MARCHF11: variants seen among roughly 807,000 people sequenced by gnomAD.
MARCHF11 encodes E3 ubiquitin-protein ligase MARCHF11.
A neutral mutation model predicts 37.3 loss-of-function variants in MARCHF11; 29 were observed. The ratio of observed to expected loss-of-function variants is 0.78; its 90% CI spans 0.58 to 1.06. The LOEUF is 1.06. Among genes scored for constraint, MARCHF11 ranks in the 50% least tolerant of loss-of-function variants. The probability of loss-of-function intolerance (pLI) is 0.00; values close to 1 mark genes in which losing one functional copy is unlikely to be tolerated. For missense variants in MARCHF11, 482 were observed against 533.4 expected, an observed-to-expected ratio of 0.90 and a Z score of 0.95; for synonymous variants, 233 against 228.0, an observed-to-expected ratio of 1.02 and a Z score of -0.20.
intron 2 of MARCHF11, among the ~76,000 whole-genome samples, chr5:16,170,578 A>G (rs1171307337): frequency 1.3e-5 from 2 of 152,144 alleles, no homozygotes; most frequent in Non-Finnish European, 2.9e-5. Context: ...TCCCTAAATC[A>G]TACTCTCACT....
intron 2 of MARCHF11, 42 bp from the exon 3 acceptor site, chr5:16,091,123 A>C: frequency 7.6e-7 from 1 of 1,307,592 alleles, no homozygotes; most frequent in Non-Finnish European, 9.8e-7. Context: ...AGCTGTGTAT[A>C]ATTAAAAAAG....
At chr5:16,139,846 T>C (rs1435219066) in intron 2 of MARCHF11, among the ~76,000 whole-genome samples, 1 of 152,160 alleles carries the variant, frequency 6.6e-6, no homozygotes, top group African/African-American at 2.4e-5. Context: ...AATTGATATA[T>C]AAATGGAATT....
intron 2 of MARCHF11, among the ~76,000 whole-genome samples, chr5:16,114,336 A>C (rs1360133941): frequency 6.6e-6 from 1 of 152,196 alleles, no homozygotes. Context: ...GCTAGTTTAT[A>C]ATGTAACAAT....
chr5:16,079,962 T>C (rs535242581), intron 3 of MARCHF11, among the ~76,000 whole-genome samples: 1 of 152,236 alleles, frequency 6.6e-6, no homozygotes, highest in South Asian at 2.1e-4. Flanking sequence ...TCTCTGGATT[T>C]TCACTCTTTC....
intron 2 of MARCHF11, among the ~76,000 whole-genome samples, chr5:16,112,558 T>C (rs1737162068): frequency 6.6e-6 from 1 of 152,234 alleles, no homozygotes; most frequent in Non-Finnish European, 1.5e-5. Flanking sequence ...TAACTAGCTT[T>C]TGATTTTAAG....
chr5:16,099,496 G>C (rs1485467758), intron 2 of MARCHF11, among the ~76,000 whole-genome samples: 1 of 151,842 alleles, frequency 6.6e-6, no homozygotes, highest in Non-Finnish European at 1.5e-5. Flanking sequence ...TACAGTTGTG[G>C]CTAAAAAGAC....
At chr5:16,096,961 T>C (rs1162650319) in intron 2 of MARCHF11, among the ~76,000 whole-genome samples, 2 of 152,200 alleles carry the variant, frequency 1.3e-5, no homozygotes, top group Admixed American at 6.5e-5. Flanking sequence ...TTAAATCATT[T>C]AGTCTCGGGT....
intron 3 of MARCHF11, among the ~76,000 whole-genome samples, chr5:16,070,088 T>G (rs112360786): frequency 6.6e-6 from 1 of 152,194 alleles, no homozygotes; most frequent in African/African-American, 2.4e-5. Context: ...CAAATAATTG[T>G]TTTTATCAAC....
chr5:16,084,967 T>G, intron 3 of MARCHF11, among the ~76,000 whole-genome samples: 1 of 150,298 alleles, frequency 6.7e-6, no homozygotes, highest in East Asian at 2.0e-4. Flanking sequence ...TGGGTATACA[T>G]CAGGGATCAA....
rs576824860 is a variant in MARCHF11 at position 16,075,122 on chromosome 5, G to C, written c.887-7329C>G. On this transcript the variant is annotated intron_variant, in intron 3 of 3. Coordinates refer to ENST00000332432, the MANE Select transcript of MARCHF11 (RefSeq NM_001102562.3). ...AAAGGTTCTGACACAGGTTAAATTT[G>C]TCCTTATCTTGCCATCCCTGTTTTA... 4.6e-5 allele frequency among the ~76,000 whole-genome samples: 7 copies of C among 152,248 alleles called. No individual in the cohort carries two copies. In the East Asian group the frequency reaches 1.4e-3, roughly 29 times the overall value.
At chr5:16,133,668 T>C (rs544063355) in intron 2 of MARCHF11, among the ~76,000 whole-genome samples, 33 of 146,758 alleles carry the variant, frequency 2.2e-4, no homozygotes, top group Non-Finnish European at 4.5e-4. Flanking sequence ...CACACACACA[T>C]TTGCAAAAAC....
At chr5:16,112,665 T>A (rs979403109) in intron 2 of MARCHF11, among the ~76,000 whole-genome samples, 1 of 152,178 alleles carries the variant, frequency 6.6e-6, no homozygotes, top group Non-Finnish European at 1.5e-5. Flanking sequence ...TGGGGGACTG[T>A]TGGGAAGGCA....
At chr5:16,122,503 A>G (rs1298858047) in intron 2 of MARCHF11, among the ~76,000 whole-genome samples, 1 of 152,258 alleles carries the variant, frequency 6.6e-6, no homozygotes, top group Admixed American at 6.5e-5. Context: ...GAAGAATTCA[A>G]CAAATGTTAA....
intron 2 of MARCHF11, among the ~76,000 whole-genome samples, chr5:16,123,097 C>T (rs916619871): frequency 8.5e-5 from 13 of 152,158 alleles, no homozygotes; most frequent in Middle Eastern, 3.2e-3. Flanking sequence ...CTTCCGAACC[C>T]TTTGCTTCTT....
chr5:16,078,985 G>A (rs771202975), intron 3 of MARCHF11, among the ~76,000 whole-genome samples: 6 of 152,046 alleles, frequency 3.9e-5, no homozygotes, highest in Non-Finnish European at 8.8e-5. Context: ...ACACACACAC[G>A]TGCACACTCA....
intron 2 of MARCHF11, among the ~76,000 whole-genome samples, chr5:16,156,965 A>AG (rs1737988159): frequency 6.6e-6 from 1 of 151,948 alleles, no homozygotes; most frequent in African/African-American, 2.4e-5. Context: ...AAACCTTGCT[A>AG]GGTAGTGCAT....
chr5:16,126,069 G>C (rs991244495), intron 2 of MARCHF11, among the ~76,000 whole-genome samples: 3 of 152,204 alleles, frequency 2.0e-5, no homozygotes, highest in African/African-American at 7.2e-5. Flanking sequence ...AGAGTTGTTA[G>C]TGTTGGTTTC....
intron 2 of MARCHF11, among the ~76,000 whole-genome samples, chr5:16,107,585 G>T (rs902212718): frequency 6.6e-6 from 1 of 152,016 alleles, no homozygotes; most frequent in Admixed American, 6.5e-5. Context: ...GGTAGAAGAG[G>T]GCGGTTCCCC....
intron 2 of MARCHF11, among the ~76,000 whole-genome samples, chr5:16,165,692 A>G (rs1241052954): frequency 6.6e-6 from 1 of 152,110 alleles, no homozygotes; most frequent in Non-Finnish European, 1.5e-5. Flanking sequence ...TCATCACATC[A>G]TATCAGGGGC....
Sources: gnomAD v4.1 joint callset for allele counts (sites outside exome capture counted in the v4.1 genomes callset) on GRCh38, gnomAD v4.1.1 for gene constraint, MANE v1.5 for transcripts, NCBI Gene and HGNC (gene_info 2026-07-23, HGNC 2026-07-21) for gene names.